RBFOX3: variants seen among roughly 807,000 people sequenced by gnomAD.
RBFOX3 encodes the protein RNA binding fox-1 homolog 3, also known as RNA binding protein fox-1 homolog 3.
In RBFOX3, 17 loss-of-function variants were observed where a neutral mutation model predicts 48.7. That is an observed-to-expected ratio of 0.35 (90% CI 0.24 to 0.52). The LOEUF is 0.52. Ranked by LOEUF, RBFOX3 falls within the 20% of genes least tolerant of loss-of-function variation. The pLI is 0.94. For synonymous variants in RBFOX3, 212 were observed against 209.5 expected (o/e 1.01, Z -0.10); for missense variants, 382 against 497.5 (o/e 0.77, Z 2.21).
Position 79,479,138 on chromosome 17 carries a change from C to A in RBFOX3, c.-175+3316G>T, listed in dbSNP as rs2078407492. On this transcript the variant is annotated intron_variant, in intron 2 of 14. Transcript: ENST00000693108. The surrounding 1 kb of genome is among the most constrained non-coding windows in gnomAD (Gnocchi z 5.1). ...CCCGGGTTTCTCCATCACTGTTCTC[C>A]AAGTCCCTCTTAGGAAGCCCCTTCC... Among the ~76,000 whole-genome samples the A allele has an allele frequency of 6.6e-6, 1 of 152,218 alleles. No homozygotes were observed. Among genetic ancestry groups the A allele is most frequent in the Non-Finnish European group, 1.5e-5 (1 of 68,042 alleles).
the RBFOX3 span, among the ~76,000 whole-genome samples, chr17:79,628,222 T>A: frequency 6.6e-6 from 1 of 151,820 alleles, no homozygotes; most frequent in Admixed American, 6.6e-5. Context: ...CAAGTCACCC[T>A]CCCAGCCTAG....
intron 10 of RBFOX3, 115 bp from the exon 11 acceptor site, chr17:79,097,539 C>T (rs1025801843): frequency 7.8e-6 from 11 of 1,418,250 alleles, no homozygotes; most frequent in South Asian, 6.0e-5. Context: ...TCCCCAAGCC[C>T]CGCCCCCGGA....
chr17:79,393,694 G>A (rs917268012), intron 2 of RBFOX3, among the ~76,000 whole-genome samples: 4 of 150,224 alleles, frequency 2.7e-5, no homozygotes, highest in South Asian at 2.1e-4. Flanking sequence ...CGTCTGAGCC[G>A]GTCATCACGC....
At chr17:79,456,159 C>T (rs2074454092) in intron 2 of RBFOX3, among the ~76,000 whole-genome samples, 1 of 152,336 alleles carries the variant, frequency 6.6e-6, no homozygotes. Flanking sequence ...CACCCCAAGC[C>T]TTAATGTGCT....
At chr17:79,302,820 TC>T (rs1346689076) in intron 3 of RBFOX3, among the ~76,000 whole-genome samples, 1 of 152,192 alleles carries the variant, frequency 6.6e-6, no homozygotes, top group Non-Finnish European at 1.5e-5. Flanking sequence ...TTTAAATTAT[TC>T]CCAAGTAAGG....
At position 79,103,442 on chromosome 17, in the gene RBFOX3, G is replaced by C. The variant is rs768980572; in HGVS notation, c.415-188C>G. The stretch of plus-strand genomic sequence containing the variant: ...GAGGTCTGTCCTAGGGCCACCGGCA[G>C]GATGCCAGGAGGGGTATGGGCCCCA... On this transcript the variant is annotated intron_variant, in intron 7 of 14. Coordinates refer to ENST00000693108, the MANE Select transcript of RBFOX3 (RefSeq NM_001350451.2). This position sits in a 1 kb window ranked among gnomAD's most constrained non-coding sequence, Gnocchi z 6.1. Among the ~76,000 whole-genome samples the C allele has an allele frequency of 2.6e-5, 4 of 152,128 alleles. No homozygotes were observed. Among genetic ancestry groups the C allele is most frequent in the Admixed American group, 1.3e-4 (2 of 15,286 alleles).
At chr17:79,501,634 T>C (rs2082400803) in intron 1 of RBFOX3, among the ~76,000 whole-genome samples, 1 of 152,210 alleles carries the variant, frequency 6.6e-6, no homozygotes, top group Non-Finnish European at 1.5e-5. Context: ...GCCATGCCAA[T>C]ACCTGGAATT....
intron 4 of RBFOX3, among the ~76,000 whole-genome samples, chr17:79,149,339 G>A (rs181505994): frequency 6.6e-6 from 1 of 152,306 alleles, no homozygotes; most frequent in Non-Finnish European, 1.5e-5. Context: ...CAGGCAGTGG[G>A]GGGAGTGGGG....
chr17:79,610,115 G>T (rs1173492602), intron 1 of RBFOX3, among the ~76,000 whole-genome samples: 1 of 151,844 alleles, frequency 6.6e-6, no homozygotes, highest in Non-Finnish European at 1.5e-5. Context: ...CCTGCGCGCC[G>T]CTCGCCCCTC....
chr17:79,469,215 C>A (rs1014255947), intron 2 of RBFOX3, among the ~76,000 whole-genome samples: 3 of 152,188 alleles, frequency 2.0e-5, no homozygotes, highest in East Asian at 1.9e-4. Flanking sequence ...CAGGTCTTGA[C>A]ATCGAGTTGG....
chr17:79,207,671 C>T (rs1335917009), intron 4 of RBFOX3, among the ~76,000 whole-genome samples: 1 of 152,206 alleles, frequency 6.6e-6, no homozygotes, highest in Non-Finnish European at 1.5e-5. Context: ...GCCTAAGCTC[C>T]CTTCCCTTTT....
chr17:79,611,180 TC>T (rs2093964991), upstream of RBFOX3, among the ~76,000 whole-genome samples: 2 of 2,818 alleles, frequency 7.1e-4, no homozygotes, highest in Non-Finnish European at 1.3e-3. Flanking sequence ...CTCTCCGCCC[TC>T]CTTCTCTCTC....
intron 3 of RBFOX3, among the ~76,000 whole-genome samples, chr17:79,238,603 C>T (rs2061926205): frequency 6.6e-6 from 1 of 152,256 alleles, no homozygotes; most frequent in African/African-American, 2.4e-5. Flanking sequence ...CACATCAGCC[C>T]AGATGGGAGC....
At chr17:79,616,180 T>A in the RBFOX3 span, among the ~76,000 whole-genome samples, 1 of 152,112 alleles carries the variant, frequency 6.6e-6, no homozygotes, top group Non-Finnish European at 1.5e-5. Flanking sequence ...CCTTGCTTGC[T>A]TTCTCAGTCC....
At chr17:79,519,054 G>C (rs2085673711) in intron 1 of RBFOX3, among the ~76,000 whole-genome samples, 4 of 152,182 alleles carry the variant, frequency 2.6e-5, no homozygotes, top group Non-Finnish European at 5.9e-5. Flanking sequence ...GGGGCTGGCA[G>C]CTCCCCCTAA....
intron 2 of RBFOX3, among the ~76,000 whole-genome samples, chr17:79,382,546 G>A (rs1162451748): frequency 6.7e-6 from 1 of 149,060 alleles, no homozygotes; most frequent in Non-Finnish European, 1.5e-5. Flanking sequence ...GGGCAGGCGG[G>A]GCCCCTGTGA....
intron 2 of RBFOX3, among the ~76,000 whole-genome samples, chr17:79,425,711 G>T (rs1290271873): frequency 6.6e-6 from 1 of 152,182 alleles, no homozygotes; most frequent in Non-Finnish European, 1.5e-5. Context: ...CACGAATTCC[G>T]ACTTAGAAGG....
rs1466424162 is a variant in RBFOX3 at position 79,252,834 on chromosome 17, T to G, written c.-73-17029A>C. Among the ~76,000 whole-genome samples, 5 of 152,186 alleles carry G rather than the reference T, an allele frequency of 3.3e-5. No individual in the cohort carries two copies. Among genetic ancestry groups the G allele is most frequent in the Admixed American group, 3.3e-4 (5 of 15,272 alleles). The stretch of plus-strand genomic sequence containing the variant: ...GAGTGAGGCGTGGACCCAGGCTTTC[T>G]GCCTCTCCAATGAGACAGGAGGGCA... On this transcript the variant is annotated intron_variant, in intron 3 of 14. Coordinates refer to ENST00000693108, the MANE Select transcript of RBFOX3 (RefSeq NM_001350451.2). This position sits in a 1 kb window ranked among gnomAD's most constrained non-coding sequence, Gnocchi z 4.0.
At position 79,314,301 on chromosome 17, in the gene RBFOX3, G is replaced by A. The variant is rs567313994; in HGVS notation, c.-174-6477C>T. On this transcript the variant is annotated intron_variant, in intron 2 of 14. Transcript: ENST00000693108. ...ACCTGCTGAGAAGCAGAGGAGAGAG[G>A]CATGGCAGTCAGGCAGCTCCAACAA... 2.6e-5 allele frequency among the ~76,000 whole-genome samples: 4 copies of A among 152,314 alleles called. No homozygotes were observed. In the East Asian group the frequency reaches 7.7e-4, roughly 29 times the overall value.
Sources: allele counts gnomAD v4.1 joint callset (sites outside exome capture counted in the v4.1 genomes callset), GRCh38; gene constraint gnomAD v4.1.1; non-coding constraint Gnocchi (gnomAD v3.1); transcripts MANE v1.5; gene names NCBI Gene and HGNC (gene_info 2026-07-23, HGNC 2026-07-21).